The following CATSPER2 variants were observed in gnomAD, a reference collection of about 807,000 sequenced individuals.
The protein encoded by CATSPER2 is cation channel sperm-associated protein 2.
Under a neutral mutation model 68.8 loss-of-function variants are expected in CATSPER2, and 56 were observed. The observed-to-expected ratio is 0.81, with a 90% CI of 0.66 to 1.02. The LOEUF is 1.02. CATSPER2 is among the 50% of genes least tolerant of loss of function. CATSPER2 has a pLI of 0.00. For missense variants in CATSPER2, 582 were observed against 642.0 expected (o/e 0.91, Z 1.01); for synonymous variants, 198 against 229.9 (o/e 0.86, Z 1.26).
upstream of CATSPER2, chr15:43,648,846 C>G (rs2086225965): frequency 6.5e-7 from 1 of 1,526,748 alleles, no homozygotes; most frequent in Non-Finnish European, 8.8e-7. Context: ...CGGAGCAACG[C>G]TCGCCCAGCC....
At chr15:43,639,130 T>C in intron 6 of CATSPER2, 102 bp from the exon 7 acceptor site, 1 of 1,389,290 alleles carries the variant, frequency 7.2e-7, no homozygotes, top group Non-Finnish European at 1.0e-6. Flanking sequence ...AACCCTCTCT[T>C]GCACTGCTGA....
chr15:43,633,723 T>G (rs957345029), intron 10 of CATSPER2: 1 of 150,804 alleles, frequency 6.6e-6, no homozygotes, highest in Non-Finnish European at 1.5e-5. Context: ...GCGGGTGGAG[T>G]GCCTGAGCTC....
At position 43,638,898 on chromosome 15, in the gene CATSPER2, G is replaced by C. The variant is rs746880228; in HGVS notation, c.842+6C>G. On this transcript the variant is annotated splice_donor_region_variant and intron_variant, in intron 7 of 12. Transcript: ENST00000396879. ...CCCTCACCCAGCTGTCCCCAGCTCT[G>C]CTTACGAGAAGAACACATGGTACTC... is the stretch of plus-strand genomic sequence containing the variant. The C allele has an allele frequency of 2.5e-5, 41 of 1,612,272 alleles. No homozygotes were observed. The highest frequency in any genetic ancestry group is 3.4e-5 in the Non-Finnish European group (40 of 1,179,120).
At chr15:43,643,800 T>C (rs1346125945) in intron 4 of CATSPER2, among the ~76,000 whole-genome samples, 1 of 152,002 alleles carries the variant, frequency 6.6e-6, no homozygotes, top group East Asian at 1.9e-4. Context: ...AATTGTAATC[T>C]TCAGGAATAT....
At position 43,630,671 on chromosome 15, in the gene CATSPER2, G is replaced by C. The variant is rs1271758082; in HGVS notation, c.*30C>G. On this transcript the variant is annotated 3_prime_UTR_variant, in exon 13 of 13. Transcript: ENST00000396879. The stretch of plus-strand genomic sequence containing the variant: ...CAATTCCCTTCATTATCTTTTGCTG[G>C]GCCCAAGGATATTGAAGCCATCCAT... The C allele has an allele frequency of 3.4e-5, 54 of 1,609,828 alleles. 2 individuals are homozygous for C. The highest frequency in any genetic ancestry group is 4.5e-5 in the Non-Finnish European group (53 of 1,178,712).
chr15:43,648,622 G>C lies in CATSPER2; in HGVS notation c.-3+7C>G. The C allele has an allele frequency of 7.2e-7, 1 of 1,388,102 alleles. No individual in the cohort carries two copies. Among genetic ancestry groups the C allele is most frequent in the Admixed American group, 3.2e-5 (1 of 31,014 alleles). The allele number at this position is 1,388,102 out of a possible 1,614,324, so 86.0% of individuals were successfully genotyped here. ...TTCTCTCCTCCATTCTCGCTTCTGG[G>C]CCTCACCTCAGCCCAGGTTCTCTTT... is the stretch of plus-strand genomic sequence containing the variant. On this transcript the variant is annotated splice_region_variant and intron_variant, in intron 1 of 12. Coordinates refer to ENST00000396879, the MANE Select transcript of CATSPER2 (RefSeq NM_172095.4).
chr15:43,646,218 A>G (rs1461799084), intron 4 of CATSPER2, among the ~76,000 whole-genome samples: 1 of 151,232 alleles, frequency 6.6e-6, no homozygotes, highest in Non-Finnish European at 1.5e-5. Context: ...ATATTGCTAC[A>G]TATTACACCT....
Position 43,632,288 on chromosome 15 carries a change from C to T in CATSPER2, c.1472G>A (p.Trp491Ter), listed in dbSNP as rs369323732. Residue 491 changes from tryptophan (W) to a stop codon, truncating the protein, a stop_gained, in exon 12 of 13, where the codon TGG becomes TAG. Transcript: ENST00000396879. LOFTEE classifies it high-confidence loss of function. ...LMEMDQDDRV[W>*]PRDSLFRYFE... is the part of the protein sequence containing the mutation. ...ATATCGGAAGAGTGAGTCTCTGGGC[C>T]AAACACGGTCATCCTGATCCATTTC... 1.1e-5 allele frequency: 18 copies of T among 1,613,552 alleles called. 1 individual carries two copies. Among genetic ancestry groups the T allele is most frequent in the Non-Finnish European group, 1.5e-5 (18 of 1,179,836 alleles).
chr15:43,635,896 A>G, intron 8 of CATSPER2, 70 bp from the exon 9 acceptor site: 15 of 1,420,042 alleles, frequency 1.1e-5, no homozygotes, highest in Non-Finnish European at 1.4e-5. Flanking sequence ...TTGGGTGGGG[A>G]GAATCCAAGT....
chr15:43,633,322 G>T (rs977274173), intron 10 of CATSPER2: 36 of 286,856 alleles, frequency 1.3e-4, no homozygotes, highest in Admixed American at 1.5e-4. Context: ...CTTCTTAAAC[G>T]TAAGTCACTT....
At chr15:43,632,153 C>T in intron 12 of CATSPER2, 46 bp downstream of exon 12, 1 of 1,587,114 alleles carries the variant, frequency 6.3e-7, no homozygotes. Context: ...GCTATAAACG[C>T]TATATATATA....
intron 2 of CATSPER2, 42 bp from the exon 3 acceptor site, chr15:43,647,509 A>T: frequency 1.9e-6 from 3 of 1,586,614 alleles, no homozygotes; most frequent in Non-Finnish European, 2.6e-6. Context: ...AAATACAAAC[A>T]AAATAGACCA....
At position 43,632,710 on chromosome 15, in the gene CATSPER2, G is replaced by A. The variant is rs768514840; in HGVS notation, c.1396+7C>T. 4.1e-5 allele frequency: 66 copies of A among 1,613,122 alleles called. 1 individual carries two copies. Among genetic ancestry groups the A allele is most frequent in the Non-Finnish European group, 4.8e-5 (57 of 1,179,532 alleles). On this transcript the variant is annotated splice_region_variant and intron_variant, in intron 11 of 12. Coordinates refer to ENST00000396879, the MANE Select transcript of CATSPER2 (RefSeq NM_172095.4). ...AAAAAACTCATTATTATAGTTCTTC[G>A]GCTCACCAATAGATTCAGAAAATCT...
chr15:43,647,126 C>G lies in CATSPER2; in HGVS notation c.320-8G>C. The G allele has an allele frequency of 6.2e-7, 1 of 1,609,566 alleles. No homozygotes were observed. The highest frequency in any genetic ancestry group is 2.2e-5 in the East Asian group (1 of 44,850). ...AGTTTTTGAAGAGAGGACCTGTTGT[C>G]TCTTAAGGAAATGTACAGAGTGGAG... On this transcript the variant is annotated splice_region_variant and splice_polypyrimidine_tract_variant and intron_variant, in intron 3 of 12. Transcript: ENST00000396879.
chr15:43,638,286 C>CTTTTTTTTTTTTTTTT (rs71460446), intron 7 of CATSPER2, among the ~76,000 whole-genome samples: 11 of 81,838 alleles, frequency 1.3e-4, no homozygotes, highest in South Asian at 4.2e-4. Context: ...TTCTTTCTTT[C>CTTTTTTTTTTTTTTTT]TTTTTTTTTT....
chr15:43,643,012 C>T (rs951591826), intron 4 of CATSPER2: 2 of 152,036 alleles, frequency 1.3e-5, no homozygotes, highest in African/African-American at 4.8e-5. Context: ...TAGCAGTGAA[C>T]ATCTATGCTT....
chr15:43,645,108 G>C (rs1436345454), intron 4 of CATSPER2, among the ~76,000 whole-genome samples: 1 of 151,792 alleles, frequency 6.6e-6, no homozygotes, highest in Non-Finnish European at 1.5e-5. Flanking sequence ...ACCTAGGCTG[G>C]AGTTCCGTTG....
intron 11 of CATSPER2, 101 bp downstream of exon 11, chr15:43,632,616 A>G: frequency 6.3e-7 from 1 of 1,592,666 alleles, no homozygotes; most frequent in Non-Finnish European, 8.5e-7. Context: ...AGAAAATTGG[A>G]AAGGAGATAT....
chr15:43,647,395 C>T lies in CATSPER2; in HGVS notation c.218G>A (p.Arg73His), dbSNP rs754652195. The change falls in exon 3 of 13, where the codon CGT (arginine) becomes CAT (histidine). Residue 73 changes from arginine to histidine, a missense_variant. Transcript: ENST00000396879. ...CTGGGCATGTGAAATCTGTTCTATA[C>T]GCTGAGGCTTTATAGAGAAACGCAC... is the stretch of plus-strand genomic sequence containing the variant. The part of the protein sequence containing the change: ...QLVRFSIKPQ[R>H]IEQISHAQRL... The T allele has an allele frequency of 5.6e-6, 9 of 1,613,410 alleles. No individual in the cohort carries two copies. Among genetic ancestry groups the T allele is most frequent in the East Asian group, 2.2e-5 (1 of 44,874 alleles).
Sources: gnomAD v4.1 joint callset for allele counts (sites outside exome capture counted in the v4.1 genomes callset) on GRCh38, gnomAD v4.1.1 for gene constraint, MANE v1.5 for transcripts, NCBI Gene and HGNC (gene_info 2026-07-23, HGNC 2026-07-21) for gene names.